SLC22A2: variants seen among roughly 807,000 people sequenced by gnomAD.
SLC22A2 encodes organic cation transporter 2.
In SLC22A2, 46 loss-of-function variants were observed where a neutral mutation model predicts 60.5. The ratio of observed to expected loss-of-function variants is 0.76; its 90% CI spans 0.60 to 0.97. SLC22A2 has a LOEUF of 0.97. SLC22A2 is among the 50% of genes least tolerant of loss of function. The pLI, the probability that SLC22A2 is intolerant of heterozygous loss-of-function variation, is 0.00. For missense variants in SLC22A2, 701 were observed against 706.6 expected, an observed-to-expected ratio of 0.99 and a Z score of 0.09; for synonymous variants, 303 against 267.0, an observed-to-expected ratio of 1.13 and a Z score of -1.31.
At chr6:160,232,116 T>G (rs1782834685) in intron 9 of SLC22A2, among the ~76,000 whole-genome samples, 1 of 151,932 alleles carries the variant, frequency 6.6e-6, no homozygotes, top group Admixed American at 6.5e-5. Flanking sequence ...TCAGCTATAC[T>G]CACTCTTAGT....
At chr6:160,233,815 G>A (rs1444024931) in intron 9 of SLC22A2, among the ~76,000 whole-genome samples, 1 of 151,688 alleles carries the variant, frequency 6.6e-6, no homozygotes, top group Non-Finnish European at 1.5e-5. Flanking sequence ...CCAGCCCTGA[G>A]AAACATCACT....
chr6:160,251,788 A>C (rs966869817), intron 2 of SLC22A2, among the ~76,000 whole-genome samples: 6 of 152,220 alleles, frequency 3.9e-5, no homozygotes, highest in Non-Finnish European at 8.8e-5. Flanking sequence ...TTATGCAACT[A>C]TATTCTAGTG....
chr6:160,242,474 G>A, intron 7 of SLC22A2, 72 bp from the exon 8 acceptor site: 1 of 873,328 alleles, frequency 1.1e-6, no homozygotes, highest in Non-Finnish European at 2.0e-6. Context: ...TCCAGAGTGG[G>A]ACTGTAAGGA....
intron 9 of SLC22A2, among the ~76,000 whole-genome samples, chr6:160,237,873 T>G (rs899753744): frequency 3.3e-5 from 5 of 152,158 alleles, no homozygotes; most frequent in Admixed American, 2.0e-4. Flanking sequence ...AAAACCAAGA[T>G]GGCAATGAGA....
At chr6:160,220,940 G>A (rs1046501863) in intron 10 of SLC22A2, among the ~76,000 whole-genome samples, 1 of 152,134 alleles carries the variant, frequency 6.6e-6, no homozygotes, top group Non-Finnish European at 1.5e-5. Flanking sequence ...GGGACCCTAG[G>A]GTTTTCATGG....
chr6:160,222,687 T>C (rs763855740), intron 10 of SLC22A2, among the ~76,000 whole-genome samples: 11 of 152,124 alleles, frequency 7.2e-5, no homozygotes, highest in Non-Finnish European at 1.5e-4. Flanking sequence ...CCAACTCAAA[T>C]GTCTGCATGC....
rs1583399461 is a variant in SLC22A2, at chr6:160,247,428, G to A, written c.843-130C>T. On this transcript the variant is annotated intron_variant, in intron 4 of 10. Transcript: ENST00000366953. ...CTCCAAAGAAAATAACACTCGTGTA[G>A]GGGGATATGTGGTTCTTTCCTCCCT... The A allele has an allele frequency of 1.7e-5, 10 of 593,548 alleles. No homozygotes were observed. In the East Asian group the frequency reaches 2.3e-4, roughly 14 times the overall value. 36.8% of individuals were successfully genotyped at this position (593,548 alleles called of 1,614,324 possible). A position where few individuals can be genotyped will look rare whatever the true frequency, so the allele number is the denominator to read the frequency against.
chr6:160,250,366 T>G, intron 3 of SLC22A2, 182 bp downstream of exon 3: 2 of 609,912 alleles, frequency 3.3e-6, no homozygotes, highest in Non-Finnish European at 5.8e-6. Flanking sequence ...TTTTTTTAGT[T>G]TATAAGGAGG....
chr6:160,220,763 G>T (rs1782631926), intron 10 of SLC22A2, among the ~76,000 whole-genome samples: 1 of 152,164 alleles, frequency 6.6e-6, no homozygotes, highest in Middle Eastern at 3.2e-3. Flanking sequence ...TGTATGTATT[G>T]TCAATGAGCA....
chr6:160,247,371 A>G (rs1302550321), intron 4 of SLC22A2, 73 bp from the exon 5 acceptor site: 1 of 813,098 alleles, frequency 1.2e-6, no homozygotes, highest in Non-Finnish European at 2.2e-6. Flanking sequence ...TTTTATAATC[A>G]GATTTCTCTG....
At chr6:160,228,333 A>G (rs1411627157) in intron 9 of SLC22A2, among the ~76,000 whole-genome samples, 1 of 152,178 alleles carries the variant, frequency 6.6e-6, no homozygotes, top group Non-Finnish European at 1.5e-5. Context: ...CAGGTAAAGG[A>G]CGTGATTGGG....
intron 3 of SLC22A2, 34 bp from the exon 4 acceptor site, chr6:160,249,418 A>G (rs1401407680): frequency 6.4e-7 from 1 of 1,570,418 alleles, no homozygotes; most frequent in Admixed American, 1.8e-5. Context: ...AATGCAATTC[A>G]ATACAATAAT....
chr6:160,236,848 T>C (rs1476642950), intron 9 of SLC22A2, among the ~76,000 whole-genome samples: 5 of 152,018 alleles, frequency 3.3e-5, no homozygotes, highest in Non-Finnish European at 7.4e-5. Flanking sequence ...TACAAACCCA[T>C]GGCTGGGCTT....
chr6:160,238,219 G>A (rs1455635139), intron 9 of SLC22A2, among the ~76,000 whole-genome samples: 1 of 152,190 alleles, frequency 6.6e-6, no homozygotes, highest in Non-Finnish European at 1.5e-5. Flanking sequence ...TCTGGTAACA[G>A]AGACAGGCTT....
intron 9 of SLC22A2, among the ~76,000 whole-genome samples, chr6:160,234,437 T>C (rs1782878071): frequency 6.6e-6 from 1 of 152,186 alleles, no homozygotes; most frequent in Non-Finnish European, 1.5e-5. Flanking sequence ...TGGGTCTTTC[T>C]CTGGCCTCCC....
intron 9 of SLC22A2, among the ~76,000 whole-genome samples, chr6:160,228,469 T>C (rs566011914): frequency 1.3e-3 from 196 of 152,144 alleles, no homozygotes; most frequent in African/African-American, 4.6e-3. Context: ...AAGGCTAGAG[T>C]CTTTCCTAAG....
intron 9 of SLC22A2, among the ~76,000 whole-genome samples, chr6:160,228,757 C>T (rs138621662): frequency 1.3e-5 from 2 of 152,022 alleles, no homozygotes; most frequent in African/African-American, 2.4e-5. Context: ...GTGAAAATGG[C>T]CTGTTCCTGA....
chr6:160,232,876 C>T (rs540191280), intron 9 of SLC22A2, among the ~76,000 whole-genome samples: 20 of 152,022 alleles, frequency 1.3e-4, no homozygotes, highest in Admixed American at 4.6e-4. Context: ...TCTTTTCCCA[C>T]GTAAGGCAAA....
At chr6:160,251,301 T>A (rs965225647) in intron 2 of SLC22A2, among the ~76,000 whole-genome samples, 3 of 152,152 alleles carry the variant, frequency 2.0e-5, no homozygotes, top group Non-Finnish European at 2.9e-5. Context: ...TTATTCAGTT[T>A]AGGGATTTGG....
Sources: gnomAD v4.1 joint callset for allele counts (sites outside exome capture counted in the v4.1 genomes callset) on GRCh38, gnomAD v4.1.1 for gene constraint, MANE v1.5 for transcripts, NCBI Gene and HGNC (gene_info 2026-07-23, HGNC 2026-07-21) for gene names.